PTCH2: variants seen among roughly 807,000 people sequenced by gnomAD.
The protein encoded by PTCH2 is patched 2, also known as protein patched homolog 2.
Under a neutral mutation model 117.9 loss-of-function variants are expected in PTCH2, and 96 were observed. That is an observed-to-expected ratio of 0.81 (90% CI 0.69 to 0.96). The LOEUF (loss-of-function observed/expected upper bound fraction) is 0.96, where lower values mean the gene tolerates loss of function less well. Ranked by LOEUF, PTCH2 falls within the 50% of genes least tolerant of loss-of-function variation. PTCH2 has a pLI of 0.00. For missense variants in PTCH2, 1,379 were observed against 1,562.5 expected (o/e 0.88, Z 1.98); for synonymous variants, 615 against 660.9 (o/e 0.93, Z 1.06).
Position 44,828,299 on chromosome 1 carries a change from GAGA to G in PTCH2, c.1703_1705del (p.Phe568del). The G allele has an allele frequency of 6.2e-7, 1 of 1,613,936 alleles. No homozygotes were observed. Among genetic ancestry groups the G allele is most frequent in the Non-Finnish European group, 8.5e-7 (1 of 1,179,870 alleles). On this transcript the variant is annotated inframe_deletion, in exon 13 of 22. Transcript: ENST00000372192. ...GGGGCTGGGGCGCAGGCAGTACCTG[GAGA>G]AGCAGCAGAGCACATCAAGGCGCTG...
chr1:44,842,330 A>T, intron 1 of PTCH2, among the ~76,000 whole-genome samples: 1 of 132,880 alleles, frequency 7.5e-6, no homozygotes, highest in African/African-American at 3.0e-5. Context: ...CCCTGGCTGG[A>T]GTGCAGTGGT....
At chr1:44,839,487 T>G (rs955950996) in intron 2 of PTCH2, among the ~76,000 whole-genome samples, 4 of 151,904 alleles carry the variant, frequency 2.6e-5, no homozygotes, top group Non-Finnish European at 1.5e-5. Context: ...ACCATCCTCT[T>G]ATAAAACCCT....
At chr1:44,842,814 A>C in intron 1 of PTCH2, 47 bp downstream of exon 1, 1 of 1,507,394 alleles carries the variant, frequency 6.6e-7, no homozygotes, top group Non-Finnish European at 9.0e-7. Context: ...CCCGAGTGAC[A>C]GACCTGGCTC....
chr1:44,822,226 C>G lies in PTCH2; in HGVS notation c.*189G>C. ...CAAGTGACACAGATACAGGCTCACACAGGCCTGGATGTGCAAATCGGTGGC... is the reference window on the plus strand; with the variant it reads ...CAAGTGACACAGATACAGGCTCACAGAGGCCTGGATGTGCAAATCGGTGGC... On this transcript the variant is annotated 3_prime_UTR_variant, in exon 22 of 22. Transcript: ENST00000372192. 2.7e-6 allele frequency: 4 copies of G among 1,480,190 alleles called. No individual in the cohort carries two copies. Among genetic ancestry groups the G allele is most frequent in the Non-Finnish European group, 3.6e-6 (4 of 1,121,284 alleles). The allele number at this position is 1,480,190 out of a possible 1,614,324, so 91.7% of individuals were successfully genotyped here. A position where few individuals can be genotyped will look rare whatever the true frequency, so the allele number is the denominator to read the frequency against.
rs1653016632 is a variant in PTCH2 at position 44,823,709 on chromosome 1, T to G, written c.3115-324A>C. On this transcript the variant is annotated intron_variant, in intron 19 of 21. Coordinates refer to ENST00000372192, the MANE Select transcript of PTCH2 (RefSeq NM_003738.5). The surrounding 1 kb of genome is among the most constrained non-coding windows in gnomAD (Gnocchi z 5.1). The stretch of plus-strand genomic sequence containing the variant: ...ATCCCAGCACTTTGGGAGGCTGAGG[T>G]GGGTGGATCACCTGAGGTTGGGAGT... Among the ~76,000 whole-genome samples, 1 of 151,266 alleles carries G rather than the reference T, an allele frequency of 6.6e-6. No homozygotes were observed. Among genetic ancestry groups the G allele is most frequent in the Non-Finnish European group, 1.5e-5 (1 of 67,868 alleles).
At chr1:44,835,568 C>T (rs140597118) in intron 2 of PTCH2, among the ~76,000 whole-genome samples, 16 of 152,184 alleles carry the variant, frequency 1.1e-4, no homozygotes, top group East Asian at 1.9e-4. Flanking sequence ...GTACACTCTT[C>T]GGGGGAAAGC....
At chr1:44,821,675 CT>C (rs1444288434), downstream of PTCH2, 28 of 780,484 alleles carry the variant, frequency 3.6e-5, no homozygotes, top group East Asian at 1.3e-4. Flanking sequence ...CAGTGGGGTT[CT>C]TTTTTTTCTG....
chr1:44,829,119 G>A (rs1250797651), intron 10 of PTCH2, 38 bp downstream of exon 10: 1 of 1,613,828 alleles, frequency 6.2e-7, no homozygotes, highest in Non-Finnish European at 8.5e-7. Flanking sequence ...GTGAAGCCTG[G>A]TGACTGGCAC....
chr1:44,827,851 G>A lies in PTCH2; in HGVS notation c.2050C>T (p.His684Tyr), dbSNP rs1402425675. The change falls in exon 14 of 22, where the codon CAT becomes TAT. Residue 684 changes from histidine to tyrosine, a missense_variant. Transcript: ENST00000372192. Reference sequence around the variant, plus strand: ...GCTCTGCCCAGTCTTACCTTAGCATGTGACTGGAGCAGCAACGGGGCAAAC... The same window carrying A: ...GCTCTGCCCAGTCTTACCTTAGCATATGACTGGAGCAGCAACGGGGCAAAC... ...YQFAPLLLQS[H>Y]AKAIVLVLFG... 4 of 1,614,114 alleles carry A rather than the reference G, an allele frequency of 2.5e-6. No homozygotes were observed. In the South Asian group the frequency reaches 3.3e-5, roughly 13 times the overall value.
At position 44,828,594 on chromosome 1, in the gene PTCH2, C is replaced by T. The variant is rs2148876554; in HGVS notation, c.1502G>A (p.Ser501Asn). Residue 501 changes from serine to asparagine, a missense_variant, in exon 12 of 22, where the codon AGT becomes AAT. Ser to Asn is a conservative substitution (Grantham distance 46, BLOSUM62 1). Coordinates refer to ENST00000372192, the MANE Select transcript of PTCH2 (RefSeq NM_003738.5). ...MGECLQRTGTSVVLTSINNMA... is the reference protein window; with the variant it reads ...MGECLQRTGTNVVLTSINNMA... ...GTTGTTGATGGATGTGAGTACGACA[C>T]TGGTGCCCGTGCGCTGCAGACACTC... The T allele has an allele frequency of 6.2e-7, 1 of 1,613,834 alleles. No homozygotes were observed. Among genetic ancestry groups the T allele is most frequent in the Non-Finnish European group, 8.5e-7 (1 of 1,179,898 alleles).
At chr1:44,839,154 C>T (rs1205623046) in intron 2 of PTCH2, among the ~76,000 whole-genome samples, 2 of 152,072 alleles carry the variant, frequency 1.3e-5, no homozygotes, top group African/African-American at 2.4e-5. Flanking sequence ...GCGGGCGGAT[C>T]ACAAGGTCAG....
rs765998697 is a variant in PTCH2, at chr1:44,822,618, G to C, written c.3409C>G (p.Gln1137Glu). 6.2e-7 allele frequency: 1 copy of C among 1,614,036 alleles called. No individual in the cohort carries two copies. Among genetic ancestry groups the C allele is most frequent in the Non-Finnish European group, 8.5e-7 (1 of 1,179,946 alleles). The change falls in exon 22 of 22, where the codon CAG (glutamine) becomes GAG (glutamate). Residue 1137 changes from glutamine (Q) to glutamate (E), a missense_variant. By Grantham distance (29) the Gln-to-Glu change is conservative. Transcript: ENST00000372192. The stretch of plus-strand genomic sequence containing the variant: ...GCCCCCCACCTAAGCCCGCCTCCCT[G>C]TGGAGCTGGTGGACTCAGGATCTCT... ...SPEILSPPAP[Q>E]GGGLRWGASS...
rs772366646 is a variant in PTCH2 at position 44,829,744 on chromosome 1, C to A, written c.953G>T (p.Ser318Ile). The stretch of plus-strand genomic sequence containing the variant: ...GCGGGGACTCATCAGCAAGAAGGTG[C>A]TCTGCAGGGCCTCTGCCCTGGTGGG... ...GELLRAEALQ[S>I]TFLLMSPRQL... The change falls in exon 8 of 22, where the codon AGC becomes ATC. Residue 318 changes from serine (S) to isoleucine (I), a missense_variant. Physicochemically the swap from Ser to Ile is moderately radical, Grantham distance 142. Coordinates refer to ENST00000372192, the MANE Select transcript of PTCH2 (RefSeq NM_003738.5). The A allele has an allele frequency of 6.2e-7, 1 of 1,614,234 alleles. No homozygotes were observed. Among genetic ancestry groups the A allele is most frequent in the Non-Finnish European group, 8.5e-7 (1 of 1,180,034 alleles).
intron 2 of PTCH2, 30 bp downstream of exon 2, chr1:44,841,817 G>A (rs1233492819): frequency 6.2e-7 from 1 of 1,611,174 alleles, no homozygotes; most frequent in African/African-American, 1.3e-5. Flanking sequence ...CACCATACCT[G>A]AGCAGCTATG....
intron 14 of PTCH2, 44 bp downstream of exon 14, chr1:44,827,799 G>C (rs376201563): frequency 9.9e-6 from 16 of 1,612,922 alleles, no homozygotes; most frequent in Non-Finnish European, 1.4e-5. Flanking sequence ...TGCCCTTCTG[G>C]GCCCAGAGAT....
rs1017961624 is a variant in PTCH2, at chr1:44,829,939, A to C, written c.905T>G (p.Met302Arg). 3.7e-6 allele frequency: 6 copies of C among 1,614,014 alleles called. No individual in the cohort carries two copies. The African/African-American group carries it at 8.0e-5, about 22-fold the overall frequency. ...CAGCTCTCCTTGGGGGTCTCTGGCC[A>C]TGCCTCCCAGCAGCAATTCCTCCTG... ...HWQEELLLGG[M>R]ARDPQGELLR... Residue 302 changes from methionine (M) to arginine (R), a missense_variant, in exon 7 of 22, where the codon ATG becomes AGG. By Grantham distance (91) the Met-to-Arg change is moderately conservative. Coordinates refer to ENST00000372192, the MANE Select transcript of PTCH2 (RefSeq NM_003738.5).
chr1:44,842,107 C>T lies in PTCH2; in HGVS notation c.73-68G>A, dbSNP rs559479741. 1.4e-5 allele frequency: 20 copies of T among 1,434,298 alleles called. No homozygotes were observed. In the African/African-American group the frequency reaches 2.4e-4, roughly 17 times the overall value. 88.8% of individuals were successfully genotyped at this position (1,434,298 alleles called of 1,614,324 possible). A position where few individuals can be genotyped will look rare whatever the true frequency, so the allele number is the denominator to read the frequency against. On this transcript the variant is annotated intron_variant, in intron 1 of 21. Coordinates refer to ENST00000372192, the MANE Select transcript of PTCH2 (RefSeq NM_003738.5). Reference sequence around the variant, plus strand: ...ATGCATGAAATCCTTCCCTTCTCACCCTGTATATCTGCTGCCCAGCCCTCG... The same window carrying T: ...ATGCATGAAATCCTTCCCTTCTCACTCTGTATATCTGCTGCCCAGCCCTCG...
rs1475003647 is a variant in PTCH2 at position 44,831,954 on chromosome 1, A to G, written c.525+21T>C. 22 of 1,599,854 alleles carry G rather than the reference A, an allele frequency of 1.4e-5. No individual in the cohort carries two copies. The highest frequency in any genetic ancestry group is 1.8e-5 in the Non-Finnish European group (21 of 1,167,492). ...ACGCTACAGAAAAAGTTCTGCCTCT[A>G]CTCCCTCTCAGGACACTTACCCGCT... On this transcript the variant is annotated intron_variant, in intron 4 of 21. Coordinates refer to ENST00000372192, the MANE Select transcript of PTCH2 (RefSeq NM_003738.5). This position sits in a 1 kb window ranked among gnomAD's most constrained non-coding sequence, Gnocchi z 4.3.
intron 2 of PTCH2, among the ~76,000 whole-genome samples, chr1:44,835,525 G>A (rs1257241893): frequency 6.6e-6 from 1 of 152,152 alleles, no homozygotes; most frequent in Non-Finnish European, 1.5e-5. Context: ...GTTTACAAGA[G>A]TACACTCTAA....
Sources: allele counts gnomAD v4.1 joint callset (sites outside exome capture counted in the v4.1 genomes callset), GRCh38; gene constraint gnomAD v4.1.1; non-coding constraint Gnocchi (gnomAD v3.1); transcripts MANE v1.5; gene names NCBI Gene and HGNC (gene_info 2026-07-23, HGNC 2026-07-21).